The following CLSTN2 variants were observed in gnomAD, a reference collection of about 807,000 sequenced individuals.
The protein encoded by CLSTN2 is calsyntenin 2, also known as calsyntenin-2.
In CLSTN2, 48 loss-of-function variants were observed where a neutral mutation model predicts 101.2. That is an observed-to-expected ratio of 0.47 (90% confidence interval 0.38 to 0.60). The LOEUF (loss-of-function observed/expected upper bound fraction) is 0.60. CLSTN2 is among the 20% of genes least tolerant of loss of function. The pLI is 0.00. For missense variants in CLSTN2, 1,160 were observed against 1,238.2 expected (o/e 0.94, Z 0.95); for synonymous variants, 481 against 463.6 (o/e 1.04, Z -0.48).
At chr3:140,253,691 G>A (rs943881074) in intron 2 of CLSTN2, among the ~76,000 whole-genome samples, 2 of 152,092 alleles carry the variant, frequency 1.3e-5, no homozygotes, top group African/African-American at 4.8e-5. Flanking sequence ...ACATACCTGG[G>A]CCTAATTCTG....
chr3:140,355,651 A>G (rs554897875), intron 2 of CLSTN2, among the ~76,000 whole-genome samples: 25 of 152,196 alleles, frequency 1.6e-4, no homozygotes, highest in Non-Finnish European at 3.4e-4. Context: ...GAAAATTTGA[A>G]AGGCAATCTG....
intron 6 of CLSTN2, among the ~76,000 whole-genome samples, chr3:140,458,787 C>T (rs1228725237): frequency 6.6e-6 from 1 of 152,216 alleles, no homozygotes; most frequent in African/African-American, 2.4e-5. Flanking sequence ...TGCATTATCT[C>T]ATTCAGCCCT....
At chr3:140,137,435 G>A (rs777875104) in intron 1 of CLSTN2, among the ~76,000 whole-genome samples, 7 of 151,996 alleles carry the variant, frequency 4.6e-5, no homozygotes, top group Non-Finnish European at 1.0e-4. Flanking sequence ...ACTAGACTAG[G>A]TTCCTGTCCT....
At chr3:140,015,797 T>C (rs1380000640) in intron 1 of CLSTN2, among the ~76,000 whole-genome samples, 5 of 152,260 alleles carry the variant, frequency 3.3e-5, no homozygotes, top group African/African-American at 7.2e-5. Flanking sequence ...CAGACTGTTC[T>C]GGTCAGGGCG....
At chr3:140,221,002 C>G (rs2086267017) in intron 2 of CLSTN2, among the ~76,000 whole-genome samples, 1 of 152,242 alleles carries the variant, frequency 6.6e-6, no homozygotes, top group African/African-American at 2.4e-5. Context: ...GCTCAGCCGA[C>G]AGGCTGGAGA....
intron 2 of CLSTN2, among the ~76,000 whole-genome samples, chr3:140,317,878 A>G (rs2087244064): frequency 6.6e-6 from 1 of 152,160 alleles, no homozygotes; most frequent in African/African-American, 2.4e-5. Context: ...TTACAATAAG[A>G]TCATGCATTA....
intron 1 of CLSTN2, among the ~76,000 whole-genome samples, chr3:140,123,807 T>C (rs2009384460): frequency 7.0e-6 from 1 of 141,990 alleles, no homozygotes; most frequent in South Asian, 2.3e-4. Context: ...TGGAGACATA[T>C]ATATATATAT....
At chr3:140,190,005 C>T (rs1020662503) in intron 2 of CLSTN2, among the ~76,000 whole-genome samples, 1 of 152,146 alleles carries the variant, frequency 6.6e-6, no homozygotes, top group African/African-American at 2.4e-5. Context: ...CTTCTTTCTC[C>T]TTCATGGATG....
At chr3:140,260,749 T>A (rs2086644153) in intron 2 of CLSTN2, among the ~76,000 whole-genome samples, 1 of 152,314 alleles carries the variant, frequency 6.6e-6, no homozygotes, top group South Asian at 2.1e-4. Context: ...AGGGTCTCAC[T>A]TAGGCTACCA....
intron 1 of CLSTN2, among the ~76,000 whole-genome samples, chr3:140,078,157 C>T (rs1360141534): frequency 1.3e-5 from 2 of 152,134 alleles, no homozygotes; most frequent in East Asian, 3.9e-4. Context: ...ACCCTGCACC[C>T]TCTTTTGGAT....
At chr3:139,944,708 C>G (rs968536164) in intron 1 of CLSTN2, among the ~76,000 whole-genome samples, 2 of 152,224 alleles carry the variant, frequency 1.3e-5, no homozygotes, top group African/African-American at 4.8e-5. Context: ...CTGCTGCCCA[C>G]GCTGGCTGCA....
rs777735378 is a variant in CLSTN2 at position 140,403,731 on chromosome 3, T to C, written c.335T>C (p.Ile112Thr). The change falls in exon 3 of 17, where the codon ATT becomes ACT. Residue 112 changes from isoleucine (I) to threonine (T), a missense_variant. Transcript: ENST00000458420. Reference sequence around the variant, plus strand: ...GGCCGGCTCCGTGCCAAGAGCCCCATTGACTGTGAGTTGCAGAAGGAGTAC... The same window carrying C: ...GGCCGGCTCCGTGCCAAGAGCCCCACTGACTGTGAGTTGCAGAAGGAGTAC... ...GEGRLRAKSP[I>T]DCELQKEYTF... The C allele has an allele frequency of 3.8e-5, 61 of 1,614,066 alleles. No homozygotes were observed. The highest frequency in any genetic ancestry group is 5.5e-5 in the South Asian group (5 of 91,088).
At chr3:140,553,611 T>C (rs1324997275) in intron 10 of CLSTN2, among the ~76,000 whole-genome samples, 1 of 152,098 alleles carries the variant, frequency 6.6e-6, no homozygotes, top group Non-Finnish European at 1.5e-5. Flanking sequence ...ACATGACAAG[T>C]TTAGTTTTCT....
chr3:140,551,820 T>C (rs949007883), intron 10 of CLSTN2, among the ~76,000 whole-genome samples: 2 of 139,072 alleles, frequency 1.4e-5, no homozygotes, highest in African/African-American at 5.2e-5. Context: ...TAAATATATA[T>C]TATATATTTA....
chr3:140,192,035 A>G (rs900224851), intron 2 of CLSTN2, among the ~76,000 whole-genome samples: 1 of 151,812 alleles, frequency 6.6e-6, no homozygotes, highest in Non-Finnish European at 1.5e-5. Flanking sequence ...TTGTGTTTGT[A>G]TTCAGTTATA....
intron 5 of CLSTN2, among the ~76,000 whole-genome samples, chr3:140,426,755 G>T (rs1249313441): frequency 6.6e-6 from 1 of 152,144 alleles, no homozygotes; most frequent in East Asian, 1.9e-4. Flanking sequence ...AATGAGTAAG[G>T]AGTCATCTGT....
intron 2 of CLSTN2, among the ~76,000 whole-genome samples, chr3:140,317,896 G>A (rs771176171): frequency 5.9e-5 from 9 of 152,064 alleles, no homozygotes; most frequent in Admixed American, 2.0e-4. Flanking sequence ...TTAATTGCTC[G>A]CTATATGAAG....
At chr3:140,504,864 G>A (rs1469201213) in intron 8 of CLSTN2, among the ~76,000 whole-genome samples, 2 of 152,096 alleles carry the variant, frequency 1.3e-5, no homozygotes, top group East Asian at 3.9e-4. Context: ...TTTTGGGGGA[G>A]GGGAAAGAGT....
chr3:140,272,198 A>AATAG, intron 2 of CLSTN2, among the ~76,000 whole-genome samples: 1 of 152,180 alleles, frequency 6.6e-6, no homozygotes, highest in Non-Finnish European at 1.5e-5. Context: ...GGGAAAAAAC[A>AATAG]GTTTTTGAAC....
Sources: gnomAD v4.1 joint callset for allele counts (sites outside exome capture counted in the v4.1 genomes callset) on GRCh38, gnomAD v4.1.1 for gene constraint, MANE v1.5 for transcripts, NCBI Gene and HGNC (gene_info 2026-07-23, HGNC 2026-07-21) for gene names.